HTT: variants seen among roughly 807,000 people sequenced by gnomAD.
The protein encoded by HTT is huntingtin, also known as huntington disease protein.
In HTT, 104 loss-of-function variants were observed where a neutral mutation model predicts 362.3. The observed-to-expected ratio is 0.29, with a 90% CI of 0.24 to 0.34. The LOEUF (loss-of-function observed/expected upper bound fraction) is 0.34. Among genes scored for constraint, HTT ranks in the 10% least tolerant of loss-of-function variants. The probability of loss-of-function intolerance (pLI) is 1.00; values close to 1 mark genes in which losing one functional copy is unlikely to be tolerated. For missense variants in HTT, 3,301 were observed against 3,928.6 expected (o/e 0.84, Z 4.27); for synonymous variants, 1,577 against 1,548.7 (o/e 1.02, Z -0.43).
At chr4:3,176,062 C>T (rs1405812807) in intron 33 of HTT, among the ~76,000 whole-genome samples, 3 of 144,648 alleles carry the variant, frequency 2.1e-5, no homozygotes, top group Non-Finnish European at 4.5e-5. Context: ...GAGTCTCGCT[C>T]TGTCACCCAG....
At position 3,228,148 on chromosome 4, in the gene HTT, T is replaced by G. The variant is rs1721008866; in HGVS notation, c.7849-467T>G. On this transcript the variant is annotated intron_variant, in intron 57 of 66. Transcript: ENST00000355072. This position sits in a 1 kb window ranked among gnomAD's most constrained non-coding sequence, Gnocchi z 4.3. ...GAGAACCAGGCAGAAAGGAGGACAG[T>G]CGAGGTGTGCTGACTGCGTGGTGGC... is the stretch of plus-strand genomic sequence containing the variant. Among the ~76,000 whole-genome samples the G allele has an allele frequency of 6.6e-6, 1 of 151,862 alleles. No homozygotes were observed. Among genetic ancestry groups the G allele is most frequent in the South Asian group, 2.1e-4 (1 of 4,784 alleles).
intron 60 of HTT, among the ~76,000 whole-genome samples, chr4:3,231,382 C>T (rs1319461652): frequency 6.6e-6 from 1 of 152,072 alleles, no homozygotes; most frequent in African/African-American, 2.4e-5. Context: ...TTGCGGAGCT[C>T]TTCCTCCCGC....
chr4:3,203,645 A>G (rs1439248415), intron 41 of HTT, among the ~76,000 whole-genome samples: 7 of 152,236 alleles, frequency 4.6e-5, no homozygotes, highest in Admixed American at 3.9e-4. Flanking sequence ...GCAGTTGGCA[A>G]CTTTCACGGC....
intron 1 of HTT, among the ~76,000 whole-genome samples, chr4:3,075,778 A>G (rs1712509256): frequency 6.6e-6 from 1 of 152,006 alleles, no homozygotes; most frequent in Admixed American, 6.6e-5. Context: ...TCACGGTGGT[A>G]GTAACACGAT....
rs1038571488 is a variant in HTT, at chr4:3,193,208, C to T, written c.5368+4115C>T. The stretch of plus-strand genomic sequence containing the variant: ...TCTGCATTCAGCTGCTGTCACCCTC[C>T]GCACAGGCCATGGCCAAAATTTAAT... On this transcript the variant is annotated intron_variant, in intron 40 of 66. Transcript: ENST00000355072. 5.3e-5 allele frequency among the ~76,000 whole-genome samples: 8 copies of T among 152,372 alleles called. No homozygotes were observed. The East Asian group carries it at 7.7e-4, about 15-fold the overall frequency.
In HTT at chr4:3,218,076, T is replaced by C; in HGVS notation, c.7242+124T>C. 1.3e-6 allele frequency: 1 copy of C among 792,906 alleles called. No individual in the cohort carries two copies. Among genetic ancestry groups the C allele is most frequent in the Non-Finnish European group, 1.9e-6 (1 of 516,458 alleles). 49.1% of individuals were successfully genotyped at this position (792,906 alleles called of 1,614,324 possible). A position where few individuals can be genotyped will look rare whatever the true frequency, so the allele number is the denominator to read the frequency against. On this transcript the variant is annotated intron_variant, in intron 52 of 66. Coordinates refer to ENST00000355072, the MANE Select transcript of HTT (RefSeq NM_001388492.1). The surrounding 1 kb of genome is among the most constrained non-coding windows in gnomAD (Gnocchi z 4.4). The stretch of plus-strand genomic sequence containing the variant: ...GCCCAGAGGCTGCCTGCTGTGGTTC[T>C]GGTGCCCACTGTGGTTCTGGTGCCA...
intron 61 of HTT, 115 bp downstream of exon 61, chr4:3,233,468 G>A (rs1280613484): frequency 3.8e-6 from 4 of 1,045,192 alleles, no homozygotes; most frequent in South Asian, 1.5e-5. Context: ...CCAGGTATCA[G>A]TGGGAACCCA....
intron 23 of HTT, 42 bp downstream of exon 23, chr4:3,142,928 T>G: frequency 1.3e-6 from 2 of 1,574,900 alleles, no homozygotes; most frequent in Non-Finnish European, 1.7e-6. Context: ...ATTGTAATAG[T>G]TTTTGGTAGC....
intron 27 of HTT, among the ~76,000 whole-genome samples, chr4:3,156,636 G>A (rs1295739948): frequency 6.6e-6 from 1 of 152,132 alleles, no homozygotes; most frequent in Non-Finnish European, 1.5e-5. Context: ...ATTTAGTATC[G>A]GTTTAATGAT....
In HTT at chr4:3,182,342, A is replaced by G. The variant is rs767856480; in HGVS notation, c.4750-12A>G. On this transcript the variant is annotated splice_polypyrimidine_tract_variant and intron_variant, in intron 36 of 66. Coordinates refer to ENST00000355072, the MANE Select transcript of HTT (RefSeq NM_001388492.1). ...TTGGCAGCAGACTTTCTAATTGTGC[A>G]CGCTCTTATAGGTGTTGGAGATGTT... 4 of 1,573,162 alleles carry G rather than the reference A, an allele frequency of 2.5e-6. No individual in the cohort carries two copies. Among genetic ancestry groups the G allele is most frequent in the Non-Finnish European group, 1.7e-6 (2 of 1,143,114 alleles).
rs748480586 is a variant in HTT at position 3,204,086 on chromosome 4, C to A, written c.5656C>A (p.Leu1886Ile). The change falls in exon 42 of 67, where the codon CTT becomes ATT. Residue 1886 changes from leucine to isoleucine, a missense_variant. Coordinates refer to ENST00000355072, the MANE Select transcript of HTT (RefSeq NM_001388492.1). ...EEEDSDLAAK[L>I]GMCNREIVRR... ...GGAGGATTCTGACTTGGCAGCCAAACTTGGAATGTGCAATAGAGAAATAGT... is the reference window on the plus strand; with the variant it reads ...GGAGGATTCTGACTTGGCAGCCAAAATTGGAATGTGCAATAGAGAAATAGT... 1 of 1,614,012 alleles carries A rather than the reference C, an allele frequency of 6.2e-7. No homozygotes were observed. Among genetic ancestry groups the A allele is most frequent in the Non-Finnish European group, 8.5e-7 (1 of 1,179,992 alleles).
intron 40 of HTT, among the ~76,000 whole-genome samples, chr4:3,190,919 C>G (rs1241198498): frequency 6.6e-6 from 1 of 152,198 alleles, no homozygotes; most frequent in Non-Finnish European, 1.5e-5. Flanking sequence ...AAAGGCAATT[C>G]TAATTTCTAG....
Position 3,127,324 on chromosome 4 carries a change from G to C in HTT, c.1463G>C (p.Gly488Ala), listed in dbSNP as rs961122303. 6.2e-7 allele frequency: 1 copy of C among 1,614,072 alleles called. No homozygotes were observed. Among genetic ancestry groups the C allele is most frequent in the Non-Finnish European group, 8.5e-7 (1 of 1,180,030 alleles). Reference sequence around the variant, plus strand: ...GCTTCTTCAGGGGTTTCCACTCCAGGGTCAGCAGGTCATGACATCATCACA... The same window carrying C: ...GCTTCTTCAGGGGTTTCCACTCCAGCGTCAGCAGGTCATGACATCATCACA... ...LAASSGVSTP[G>A]SAGHDIITEQ... is the part of the protein sequence containing the mutation. Residue 488 changes from glycine (G) to alanine (A), a missense_variant, in exon 12 of 67, where the codon GGG (glycine) becomes GCG (alanine). Coordinates refer to ENST00000355072, the MANE Select transcript of HTT (RefSeq NM_001388492.1).
chr4:3,134,276 A>G, intron 18 of HTT, 125 bp from the exon 19 acceptor site: 1 of 718,284 alleles, frequency 1.4e-6, no homozygotes, highest in South Asian at 2.2e-5. Context: ...GGAAAAATGC[A>G]ACATCCTGGT....
chr4:3,186,223 C>G (rs1718751452), intron 37 of HTT, among the ~76,000 whole-genome samples: 1 of 152,052 alleles, frequency 6.6e-6, no homozygotes, highest in Non-Finnish European at 1.5e-5. Context: ...TGCACACCAT[C>G]CCATGTATGT....
At position 3,131,527 on chromosome 4, in the gene HTT, C is replaced by G. The variant is rs3025854; in HGVS notation, c.2099-111C>G. ...GAGGATGAGTTTGGTTTTCACTAGCCGAGGGGAGGGAGGAAATGATGGGAG... is the reference window on the plus strand; with the variant it reads ...GAGGATGAGTTTGGTTTTCACTAGCGGAGGGGAGGGAGGAAATGATGGGAG... On this transcript the variant is annotated intron_variant, in intron 15 of 66. Transcript: ENST00000355072. 469 of 1,526,748 alleles carry G rather than the reference C, an allele frequency of 3.1e-4. 2 individuals are homozygous for G. In the African/African-American group the frequency reaches 5.6e-3, roughly 18 times the overall value. 94.6% of individuals were successfully genotyped at this position (1,526,748 alleles called of 1,614,324 possible). A position where few individuals can be genotyped will look rare whatever the true frequency, so the allele number is the denominator to read the frequency against.
intron 47 of HTT, among the ~76,000 whole-genome samples, chr4:3,211,335 AAAAG>A (rs1032984109): frequency 6.6e-6 from 1 of 152,246 alleles, no homozygotes; most frequent in Admixed American, 6.5e-5. Flanking sequence ...TTCTGACTGT[AAAAG>A]AAAGCTTCAA....
In HTT at chr4:3,145,085, A is replaced by C. The variant is rs1050344481; in HGVS notation, c.3067-67A>C. 33 of 1,129,266 alleles carry C rather than the reference A, an allele frequency of 2.9e-5. 1 individual carries two copies. Among genetic ancestry groups the C allele is most frequent in the Non-Finnish European group, 4.3e-5 (32 of 737,564 alleles). The allele number at this position is 1,129,266 out of a possible 1,614,324, so 70.0% of individuals were successfully genotyped here. A position where few individuals can be genotyped will look rare whatever the true frequency, so the allele number is the denominator to read the frequency against. On this transcript the variant is annotated intron_variant, in intron 23 of 66. Transcript: ENST00000355072. ...TTGTTTGTACTTTTTATAAAGGGTAACAGGAGATATAATTCAATAAACCTT... is the reference window on the plus strand; with the variant it reads ...TTGTTTGTACTTTTTATAAAGGGTACCAGGAGATATAATTCAATAAACCTT...
intron 1 of HTT, 106 bp from the exon 2 acceptor site, chr4:3,086,833 A>G: frequency 1.5e-6 from 1 of 660,652 alleles, no homozygotes; most frequent in South Asian, 1.8e-5. Context: ...ATAACGGTTT[A>G]TTCATAGTAG....
Sources: allele counts gnomAD v4.1 joint callset (sites outside exome capture counted in the v4.1 genomes callset), GRCh38; gene constraint gnomAD v4.1.1; non-coding constraint Gnocchi (gnomAD v3.1); transcripts MANE v1.5; gene names NCBI Gene and HGNC (gene_info 2026-07-23, HGNC 2026-07-21).